FAM90A20: variants seen among roughly 807,000 people sequenced by gnomAD.
The protein encoded by FAM90A20 is family with sequence similarity 90 member A20, also known as protein FAM90A20.
At chr8:7,297,902 G>T in the FAM90A20 span, 9 of 738,870 alleles carry the variant, frequency 1.2e-5, no homozygotes, top group Non-Finnish European at 1.8e-5. Flanking sequence ...AGCCTTCCTC[G>T]CTCAGAGCCC....
At chr8:7,297,211 C>T in the FAM90A20 span, 4 of 1,531,502 alleles carry the variant, frequency 2.6e-6, no homozygotes, top group East Asian at 9.0e-5. Flanking sequence ...TGAGCTCCTC[C>T]TCAAGTCTTG....
the FAM90A20 span, among the ~76,000 whole-genome samples, chr8:7,296,876 C>T: frequency 1.5e-5 from 2 of 136,778 alleles, no homozygotes; most frequent in Non-Finnish European, 3.0e-5. Context: ...AGCTCGATAG[C>T]GCATCGTTCA....
chr8:7,296,039 G>A, the FAM90A20 span, among the ~76,000 whole-genome samples: 1 of 129,522 alleles, frequency 7.7e-6, no homozygotes, highest in Admixed American at 7.0e-5. Context: ...AGGCGGGGGC[G>A]CTTCATGCAG....
the FAM90A20 span, chr8:7,297,093 C>G: frequency 1.3e-6 from 2 of 1,509,488 alleles, no homozygotes; most frequent in Non-Finnish European, 1.8e-6. Flanking sequence ...GTCCACACAA[C>G]CTGTAAGAGG....
At chr8:7,297,637 C>T in the FAM90A20 span, 275 of 1,406,714 alleles carry the variant, frequency 2.0e-4, 21 homozygotes, top group Admixed American at 6.2e-4. Flanking sequence ...CTCCACCAGC[C>T]GCAACCGAAC....
the FAM90A20 span, chr8:7,297,508 T>A: frequency 6.6e-7 from 1 of 1,513,898 alleles, no homozygotes; most frequent in East Asian, 2.2e-5. Context: ...CCAAGAGACC[T>A]GCCCAGGCTC....
the FAM90A20 span, chr8:7,297,115 C>T: frequency 3.3e-6 from 5 of 1,506,372 alleles, no homozygotes; most frequent in South Asian, 3.4e-5. Context: ...CGCGCATGGA[C>T]CCTGTCCTCT....
At chr8:7,297,439 C>T in the FAM90A20 span, 5 of 1,555,088 alleles carry the variant, frequency 3.2e-6, 1 homozygote, top group East Asian at 6.7e-5. Flanking sequence ...CACAGCCCTG[C>T]CCATCAGCCG....
At chr8:7,296,878 C>G in the FAM90A20 span, among the ~76,000 whole-genome samples, 2 of 136,764 alleles carry the variant, frequency 1.5e-5, 1 homozygote, top group South Asian at 4.3e-4. Flanking sequence ...CTCGATAGCG[C>G]ATCGTTCATG....
the FAM90A20 span, chr8:7,297,638 G>T: frequency 4.3e-5 from 60 of 1,406,162 alleles, 6 homozygotes; most frequent in Non-Finnish European, 5.6e-5. Context: ...TCCACCAGCC[G>T]CAACCGAACT....
chr8:7,295,466 G>T, the FAM90A20 span, among the ~76,000 whole-genome samples: 4 of 111,606 alleles, frequency 3.6e-5, no homozygotes, highest in Non-Finnish European at 6.7e-5. Flanking sequence ...CTTTGCGAGG[G>T]AACATCGTAT....
chr8:7,297,271 A>C, the FAM90A20 span: 5 of 1,392,226 alleles, frequency 3.6e-6, 1 homozygote, highest in Non-Finnish European at 5.0e-6. Flanking sequence ...CTCGGCCTGC[A>C]GTCAGGCACC....
chr8:7,297,936 C>G, the FAM90A20 span: 17,971 of 691,796 alleles, frequency 0.026, 1,283 homozygotes, highest in African/African-American at 0.037. Flanking sequence ...AAGTCTGAGG[C>G]TCCCTGTGTT....
the FAM90A20 span, among the ~76,000 whole-genome samples, chr8:7,296,898 C>T: frequency 7.3e-6 from 1 of 137,126 alleles, no homozygotes; most frequent in Non-Finnish European, 1.5e-5. Flanking sequence ...GTGTCTTTTC[C>T]TGATCAGCAC....
the FAM90A20 span, chr8:7,297,131 C>A: frequency 8.6e-6 from 13 of 1,516,242 alleles, no homozygotes; most frequent in South Asian, 5.6e-5. Flanking sequence ...CCTCTCTGGT[C>A]GCTCAGCTAC....
At chr8:7,297,305 G>A in the FAM90A20 span, 9 of 1,360,308 alleles carry the variant, frequency 6.6e-6, 3 homozygotes, top group African/African-American at 1.5e-4. Context: ...TCTCCTCGTG[G>A]TGGAGCCGAC....
chr8:7,298,019 G>T, the FAM90A20 span: 1 of 661,254 alleles, frequency 1.5e-6, no homozygotes, highest in Non-Finnish European at 2.5e-6. Flanking sequence ...TTCTGACCTG[G>T]AGTGAGACTG....
the FAM90A20 span, among the ~76,000 whole-genome samples, chr8:7,296,115 G>A: frequency 1.5e-5 from 2 of 130,952 alleles, 1 homozygote; most frequent in African/African-American, 8.1e-5. Context: ...AAGCCTAGAG[G>A]GCCACCTGGA....
the FAM90A20 span, chr8:7,297,706 T>G: frequency 4.6e-4 from 665 of 1,455,022 alleles, 59 homozygotes; most frequent in East Asian, 7.5e-3. Flanking sequence ...TGCCCAGCGT[T>G]GAACGGCAGC....
Sources: gnomAD v4.1 joint callset for allele counts (sites outside exome capture counted in the v4.1 genomes callset) on GRCh38, gnomAD v4.1.1 for gene constraint, MANE v1.5 for transcripts, NCBI Gene and HGNC (gene_info 2026-07-23, HGNC 2026-07-21) for gene names.